KCTD20: variants seen among roughly 807,000 people sequenced by gnomAD.
KCTD20 encodes potassium channel tetramerization domain containing 20, also known as BTB/POZ domain-containing protein KCTD20.
A neutral mutation model predicts 39.6 loss-of-function variants in KCTD20; 30 were observed. The observed-to-expected ratio is 0.76, with a 90% CI of 0.57 to 1.03. KCTD20 has a LOEUF of 1.03. Ranked by LOEUF, KCTD20 falls within the 50% of genes least tolerant of loss-of-function variation. The probability of loss-of-function intolerance (pLI) is 0.00; values close to 1 mark genes in which losing one functional copy is unlikely to be tolerated. For missense variants in KCTD20, 422 were observed against 522.0 expected, an observed-to-expected ratio of 0.81 and a Z score of 1.87; for synonymous variants, 162 against 180.6, an observed-to-expected ratio of 0.90 and a Z score of 0.83.
intron 2 of KCTD20, 71 bp downstream of exon 2, chr6:36,470,328 C>A: frequency 1.5e-6 from 2 of 1,358,586 alleles, no homozygotes; most frequent in Non-Finnish European, 1.0e-6. Flanking sequence ...ACCCAGAAGG[C>A]ATGAATGTTT....
rs1776480275 is a variant in KCTD20, at chr6:36,488,078, T to C, written c.*903T>C. 6.6e-6 allele frequency: 1 copy of C among 152,214 alleles called. No individual in the cohort carries two copies. The allele number at this position is 152,214 out of a possible 1,614,324, so 9.4% of individuals were successfully genotyped here. A position where few individuals can be genotyped will look rare whatever the true frequency, so the allele number is the denominator to read the frequency against. On this transcript the variant is annotated 3_prime_UTR_variant, in exon 8 of 8. Transcript: ENST00000373731. Reference sequence around the variant, plus strand: ...GATGAGGACAGAAATTGCTTACAATTGCTCAGTTTCTCAACAGAAAGACTC... The same window carrying C: ...GATGAGGACAGAAATTGCTTACAATCGCTCAGTTTCTCAACAGAAAGACTC...
chr6:36,476,428 A>T (rs988763934), intron 3 of KCTD20, among the ~76,000 whole-genome samples: 19 of 137,704 alleles, frequency 1.4e-4, no homozygotes, highest in East Asian at 4.2e-4. Context: ...ACAGTGAACC[A>T]TTTTTTTTTT....
At chr6:36,483,114 G>A (rs1444314036) in intron 6 of KCTD20, among the ~76,000 whole-genome samples, 6 of 95,892 alleles carry the variant, frequency 6.3e-5, no homozygotes, top group African/African-American at 2.4e-4. Flanking sequence ...GCGAGACTCC[G>A]TTTCAAAAAA....
chr6:36,465,144 A>G (rs1272234575), intron 1 of KCTD20, among the ~76,000 whole-genome samples: 1 of 152,026 alleles, frequency 6.6e-6, no homozygotes, highest in Non-Finnish European at 1.5e-5. Context: ...AAAAATACAA[A>G]AATTAGCCGG....
At chr6:36,482,257 ATCT>A (rs1418324304) in intron 6 of KCTD20, among the ~76,000 whole-genome samples, 1 of 152,202 alleles carries the variant, frequency 6.6e-6, no homozygotes, top group African/African-American at 2.4e-5. Context: ...GTTAACAAAA[ATCT>A]TCGACATTCT....
chr6:36,463,687 A>G (rs1307516982), intron 1 of KCTD20, among the ~76,000 whole-genome samples: 3 of 152,192 alleles, frequency 2.0e-5, no homozygotes, highest in African/African-American at 7.2e-5. Flanking sequence ...CCTGGATGCC[A>G]TCATCTTTGA....
intron 3 of KCTD20, among the ~76,000 whole-genome samples, chr6:36,478,860 C>G (rs933742227): frequency 6.6e-6 from 1 of 152,218 alleles, no homozygotes; most frequent in Admixed American, 6.5e-5. Context: ...CAAAGAAACT[C>G]ACTACAGATG....
chr6:36,444,047 C>A (rs951726722), intron 1 of KCTD20, among the ~76,000 whole-genome samples: 2 of 152,202 alleles, frequency 1.3e-5, no homozygotes. Context: ...AGGCCCCCAC[C>A]TGAAACCCCA....
At chr6:36,467,714 G>T (rs1051335145) in intron 1 of KCTD20, among the ~76,000 whole-genome samples, 1 of 152,040 alleles carries the variant, frequency 6.6e-6, no homozygotes, top group Non-Finnish European at 1.5e-5. Context: ...CTCTCTTGGA[G>T]TTCCATAGTA....
At position 36,449,266 on chromosome 6, in the gene KCTD20, G is replaced by A. The variant is rs369053964; in HGVS notation, c.-47+6155G>A. ...CTAGACACAGAGCGCTGATTGGTGCGTTTTTACGGAGTGCTGATTGGTGCA... is the reference window on the plus strand; with the variant it reads ...CTAGACACAGAGCGCTGATTGGTGCATTTTTACGGAGTGCTGATTGGTGCA... On this transcript the variant is annotated intron_variant, in intron 1 of 7. Transcript: ENST00000373731. 9.9e-5 allele frequency among the ~76,000 whole-genome samples: 15 copies of A among 152,038 alleles called. No individual in the cohort carries two copies. The East Asian group carries it at 1.4e-3, about 14-fold the overall frequency.
At position 36,491,105 on chromosome 6, in the gene KCTD20, T is replaced by C. The variant is rs753288666; in HGVS notation, c.*3930T>C. ...TACCAGTGTTTACGAAATCCTGTAT[T>C]TGGGATGCTTTTTCTATAATAAAAT... On this transcript the variant is annotated 3_prime_UTR_variant, in exon 8 of 8. Coordinates refer to ENST00000373731, the MANE Select transcript of KCTD20 (RefSeq NM_173562.5). 1 of 152,208 alleles carries C rather than the reference T, an allele frequency of 6.6e-6. No individual in the cohort carries two copies. The highest frequency in any genetic ancestry group is 1.5e-5 in the Non-Finnish European group (1 of 68,036). The allele number at this position is 152,208 out of a possible 1,614,324, so 9.4% of individuals were successfully genotyped here. A position where few individuals can be genotyped will look rare whatever the true frequency, so the allele number is the denominator to read the frequency against.
In KCTD20 at chr6:36,487,520, T is replaced by C; in HGVS notation, c.*345T>C. The C allele has an allele frequency of 4.4e-6, 1 of 227,250 alleles. No individual in the cohort carries two copies. Among genetic ancestry groups the C allele is most frequent in the Non-Finnish European group, 8.6e-6 (1 of 116,304 alleles). The allele number at this position is 227,250 out of a possible 1,614,324, so 14.1% of individuals were successfully genotyped here. ...GCAAAGCAGTCCTTATCCTTTATAC[T>C]CTGTTCTTGGGTTTTGTTTTTGTCT... On this transcript the variant is annotated 3_prime_UTR_variant, in exon 8 of 8. Transcript: ENST00000373731.
chr6:36,472,660 T>C (rs1775947106), intron 2 of KCTD20, among the ~76,000 whole-genome samples: 1 of 152,138 alleles, frequency 6.6e-6, no homozygotes, highest in Non-Finnish European at 1.5e-5. Context: ...ATGTTTGGAA[T>C]TTTTCATTAA....
Position 36,475,048 on chromosome 6 carries a change from T to G in KCTD20, c.420T>G (p.Asp140Glu), listed in dbSNP as rs746903116. ...VNPQIFTAHP[D>E]TMLGRMFGPG... ...CACAGATTTTCACTGCTCATCCGGA[T>G]ACCATGCTGGGAAGGTAACTGATGA... The change falls in exon 3 of 8, where the codon GAT becomes GAG. Residue 140 changes from aspartate to glutamate, a missense_variant. Asp to Glu is a conservative substitution (Grantham distance 45). Coordinates refer to ENST00000373731, the MANE Select transcript of KCTD20 (RefSeq NM_173562.5). 20 of 1,612,528 alleles carry G rather than the reference T, an allele frequency of 1.2e-5. No individual in the cohort carries two copies. The South Asian group carries it at 2.2e-4, about 18-fold the overall frequency.
chr6:36,487,172 T>C lies in KCTD20; in HGVS notation c.1257T>C (p.Asp419=). 1.2e-6 allele frequency: 2 copies of C among 1,611,142 alleles called. No individual in the cohort carries two copies. The highest frequency in any genetic ancestry group is 1.7e-6 in the Non-Finnish European group (2 of 1,178,144). Residue 419 remains aspartate (D), a synonymous_variant, in exon 8 of 8, where the codon GAT becomes GAC. Coordinates refer to ENST00000373731, the MANE Select transcript of KCTD20 (RefSeq NM_173562.5). Reference sequence around the variant, plus strand: ...AGATGGCTTCTAACGACTTTCAGGATTAGGGCCAGCTGTGGGTCTACTCCT... The same window carrying C: ...AGATGGCTTCTAACGACTTTCAGGACTAGGGCCAGCTGTGGGTCTACTCCT... ...LSQMASNDFQ[D]
intron 6 of KCTD20, among the ~76,000 whole-genome samples, chr6:36,483,920 A>G (rs1263702806): frequency 6.7e-6 from 1 of 149,056 alleles, no homozygotes; most frequent in Non-Finnish European, 1.5e-5. Context: ...TACATTTCTT[A>G]TTTCATGAGT....
chr6:36,447,161 C>T (rs757037313), intron 1 of KCTD20, among the ~76,000 whole-genome samples: 1 of 152,214 alleles, frequency 6.6e-6, no homozygotes, highest in Middle Eastern at 3.4e-3. Context: ...AATCCTGACT[C>T]CTCCATTTAC....
At chr6:36,472,845 T>C (rs1561953519) in intron 2 of KCTD20, among the ~76,000 whole-genome samples, 1 of 152,130 alleles carries the variant, frequency 6.6e-6, no homozygotes, top group African/African-American at 2.4e-5. Context: ...CATCCAGATT[T>C]CATATATCTA....
chr6:36,486,970 A>C lies in KCTD20; in HGVS notation c.1055A>C (p.Gln352Pro). Residue 352 changes from glutamine (Q) to proline (P), a missense_variant, in exon 8 of 8, where the codon CAG becomes CCG. Gln to Pro is a moderately conservative substitution (Grantham distance 76, BLOSUM62 -1). Coordinates refer to ENST00000373731, the MANE Select transcript of KCTD20 (RefSeq NM_173562.5). ...AATTATGTACAACGCCCCTTCATCC[A>C]GATGTCATGGGAAAAGGAAGAAGGG... ...IYNYVQRPFI[Q>P]MSWEKEEGKS... is the part of the protein sequence containing the mutation. 6.2e-7 allele frequency: 1 copy of C among 1,614,104 alleles called. No individual in the cohort carries two copies. Among genetic ancestry groups the C allele is most frequent in the Non-Finnish European group, 8.5e-7 (1 of 1,179,948 alleles).
Sources: gnomAD v4.1 joint callset for allele counts (sites outside exome capture counted in the v4.1 genomes callset) on GRCh38, gnomAD v4.1.1 for gene constraint, MANE v1.5 for transcripts, NCBI Gene and HGNC (gene_info 2026-07-23, HGNC 2026-07-21) for gene names.